Variants in TEX9 observed in about 807,000 individuals in gnomAD.
The protein encoded by TEX9 is testis-expressed protein 9.
TEX9 carries 74 observed loss-of-function variants against 59.6 expected under a neutral mutation model. That is an observed-to-expected ratio of 1.24 (90% CI 1.03 to 1.51). The LOEUF is 1.51. Among genes scored for constraint, TEX9 ranks in the 40% most tolerant of loss-of-function variants. The probability of loss-of-function intolerance (pLI) is 0.00; values close to 1 mark genes in which losing one functional copy is unlikely to be tolerated. For missense variants in TEX9, 522 were observed against 447.8 expected (o/e 1.17, Z -1.49); for synonymous variants, 186 against 152.2 (o/e 1.22, Z -1.64).
At chr15:56,330,552 TTA>T (rs1411172030) in intron 1 of TEX9, among the ~76,000 whole-genome samples, 8 of 152,180 alleles carry the variant, frequency 5.3e-5, no homozygotes, top group Non-Finnish European at 1.2e-4. Context: ...AGAAATTTTA[TTA>T]GTTTTCTTTT....
chr15:56,253,984 G>A (rs1258043117), intron 1 of TEX9, among the ~76,000 whole-genome samples: 1 of 152,014 alleles, frequency 6.6e-6, no homozygotes, highest in Non-Finnish European at 1.5e-5. Context: ...AATAAAAATG[G>A]CAAGAACATA....
At chr15:56,327,719 A>G (rs1428951870) in intron 1 of TEX9, among the ~76,000 whole-genome samples, 1 of 152,164 alleles carries the variant, frequency 6.6e-6, no homozygotes, top group African/African-American at 2.4e-5. Flanking sequence ...CGATTGCAGA[A>G]CTTTGCATTG....
intron 1 of TEX9, among the ~76,000 whole-genome samples, chr15:56,341,065 T>C (rs1229737653): frequency 6.6e-6 from 1 of 152,140 alleles, no homozygotes; most frequent in Non-Finnish European, 1.5e-5. Flanking sequence ...TTGCTAGGGT[T>C]GGAAATGCTA....
chr15:56,298,336 C>T (rs2045264442), intron 1 of TEX9, among the ~76,000 whole-genome samples: 1 of 152,004 alleles, frequency 6.6e-6, no homozygotes, highest in Admixed American at 6.6e-5. Flanking sequence ...ACTTTTTGAC[C>T]TCCCCTTTTT....
intron 1 of TEX9, among the ~76,000 whole-genome samples, chr15:56,262,781 G>A (rs1297472918): frequency 1.3e-5 from 2 of 152,028 alleles, no homozygotes; most frequent in African/African-American, 4.8e-5. Flanking sequence ...TTGATACTAG[G>A]TTACTATGGA....
At chr15:56,326,639 C>G (rs759691981) in intron 1 of TEX9, among the ~76,000 whole-genome samples, 1 of 152,052 alleles carries the variant, frequency 6.6e-6, no homozygotes, top group African/African-American at 2.4e-5. Flanking sequence ...GGAAAATAAT[C>G]CAGCCAATGA....
exon 11 of TEX9, chr15:56,427,616 TGAA>T (rs745819756): frequency 3.3e-6 from 5 of 1,531,524 alleles, no homozygotes; most frequent in South Asian, 2.6e-5. Context: ...ACATAGCAAA[TGAA>T]GAACACAAAA....
chr15:56,380,563 TA>T (rs140311575), intron 3 of TEX9, among the ~76,000 whole-genome samples: 3,976 of 152,268 alleles, frequency 0.026, 169 homozygotes, highest in African/African-American at 0.091. Context: ...TCTTTTAGAT[TA>T]AAGAACTGTC....
At chr15:56,388,472 A>G (rs1230937885) in exon 5 of TEX9, 7 of 1,610,270 alleles carry the variant, frequency 4.3e-6, no homozygotes, top group African/African-American at 1.3e-5. Context: ...TGGCCTGTAG[A>G]GGTCTGTTAC....
At chr15:56,296,151 T>C (rs1156851714) in intron 1 of TEX9, among the ~76,000 whole-genome samples, 1 of 152,212 alleles carries the variant, frequency 6.6e-6, no homozygotes, top group East Asian at 1.9e-4. Flanking sequence ...GCCCAGCTTA[T>C]ACAAGCATCA....
chr15:56,270,084 G>T (rs965124917), intron 1 of TEX9, among the ~76,000 whole-genome samples: 2 of 152,244 alleles, frequency 1.3e-5, no homozygotes, highest in Non-Finnish European at 2.9e-5. Flanking sequence ...TCAATTTTGG[G>T]ATAATTGTGA....
chr15:56,307,669 G>A (rs180948934), intron 1 of TEX9, among the ~76,000 whole-genome samples: 2 of 152,190 alleles, frequency 1.3e-5, no homozygotes, highest in African/African-American at 2.4e-5. Flanking sequence ...CAATCACCAA[G>A]GTCTAATTTT....
intron 1 of TEX9, among the ~76,000 whole-genome samples, chr15:56,337,676 A>G (rs1397990774): frequency 6.6e-6 from 1 of 152,200 alleles, no homozygotes; most frequent in Non-Finnish European, 1.5e-5. Context: ...TGGCTATTAC[A>G]TTGTCTAACA....
At chr15:56,388,608 G>A in intron 5 of TEX9, 88 bp downstream of exon 5, 2 of 1,099,170 alleles carry the variant, frequency 1.8e-6, no homozygotes, top group Non-Finnish European at 2.8e-6. Flanking sequence ...GCAGAGAAGG[G>A]GTATGACTCA....
chr15:56,437,542 T>C lies in TEX9; in HGVS notation c.*30-8129T>C, dbSNP rs558529265. Among the ~76,000 whole-genome samples, 874 of 152,258 alleles carry C rather than the reference T, an allele frequency of 5.7e-3. 6 individuals are homozygous for C. Among genetic ancestry groups the C allele is most frequent in the African/African-American group, 0.02 (824 of 41,544 alleles). On this transcript the variant is annotated intron_variant, in intron 12 of 12. Coordinates refer to ENST00000352903, the Ensembl canonical transcript of TEX9. ...TGGGCAAAAACTGGAAGCATTCCCT[T>C]TGAAAACTGGCACAAGACAGGGATG...
chr15:56,249,067 A>G (rs1310339638), intron 1 of TEX9: 1 of 152,238 alleles, frequency 6.6e-6, no homozygotes, highest in Non-Finnish European at 1.5e-5. Flanking sequence ...TCTAATTGGA[A>G]CACTACACAT....
intron 12 of TEX9, chr15:56,429,842 A>G (rs1177733614): frequency 6.6e-6 from 1 of 152,194 alleles, no homozygotes; most frequent in African/African-American, 2.4e-5. Context: ...TCATTTTTGG[A>G]TATCAAGTTT....
At chr15:56,312,663 T>TTAAAGTAG (rs1422286906) in intron 1 of TEX9, among the ~76,000 whole-genome samples, 8 of 132,892 alleles carry the variant, frequency 6.0e-5, no homozygotes, top group Non-Finnish European at 9.6e-5. Flanking sequence ...TTAAAGTAGT[T>TTAAAGTAG]TTTTCCAATT....
chr15:56,312,385 C>T (rs1482209340), intron 1 of TEX9, among the ~76,000 whole-genome samples: 3 of 144,438 alleles, frequency 2.1e-5, no homozygotes, highest in African/African-American at 7.7e-5. Flanking sequence ...TTCCCAGTAC[C>T]ATTTATTAAA....
Sources: gnomAD v4.1 joint callset for allele counts (sites outside exome capture counted in the v4.1 genomes callset) on GRCh38, gnomAD v4.1.1 for gene constraint, MANE v1.5 for transcripts, NCBI Gene and HGNC (gene_info 2026-07-23, HGNC 2026-07-21) for gene names.